CTCF: variants seen among roughly 807,000 people sequenced by gnomAD.
CTCF encodes transcriptional repressor CTCF.
In CTCF, 7 loss-of-function variants were observed where a neutral mutation model predicts 72.3. That is an observed-to-expected ratio of 0.10 (90% CI 0.06 to 0.18). The LOEUF (loss-of-function observed/expected upper bound fraction) is 0.18. CTCF is among the 10% of genes least tolerant of loss of function. The probability of loss-of-function intolerance (pLI) is 1.00; values close to 1 mark genes in which losing one functional copy is unlikely to be tolerated. For missense variants in CTCF, 516 were observed against 949.1 expected (o/e 0.54, Z 6.00); for synonymous variants, 374 against 315.8 (o/e 1.18, Z -1.95).
At chr16:67,585,237 A>C (rs2051654043) in intron 2 of CTCF, among the ~76,000 whole-genome samples, 1 of 152,094 alleles carries the variant, frequency 6.6e-6, no homozygotes, top group South Asian at 2.1e-4. Flanking sequence ...TTAGTAGTGA[A>C]CGGGGTTTCA....
intron 2 of CTCF, among the ~76,000 whole-genome samples, chr16:67,581,489 ATTTTATTTTAT>A (rs982475747): frequency 3.2e-4 from 48 of 151,664 alleles, no homozygotes; most frequent in African/African-American, 1.0e-3. Context: ...GGCCTGGCTT[ATTTTATTTTAT>A]TTTTATTTTA....
intron 10 of CTCF, among the ~76,000 whole-genome samples, chr16:67,631,580 C>A (rs2142875358): frequency 6.6e-6 from 1 of 151,814 alleles, no homozygotes; most frequent in Admixed American, 6.6e-5. Context: ...GGATTATAGG[C>A]ATGAGCCACT....
intron 4 of CTCF, chr16:67,614,706 G>A (rs1354211927): frequency 1.3e-5 from 2 of 152,384 alleles, no homozygotes; most frequent in East Asian, 1.9e-4. Context: ...AATTAGCCGG[G>A]TGTGGTGGCA....
chr16:67,579,715 G>A (rs772361240), intron 2 of CTCF, among the ~76,000 whole-genome samples: 2 of 152,046 alleles, frequency 1.3e-5, no homozygotes, highest in Admixed American at 6.6e-5. Context: ...TTTGCCATTA[G>A]AGAAAAATAC....
chr16:67,562,729 G>A lies in CTCF; in HGVS notation c.-127+5G>A, dbSNP rs1424286028. On this transcript the variant is annotated splice_donor_5th_base_variant and intron_variant, in intron 1 of 11. Transcript: ENST00000264010. ...CGCGGGGGGTGTGGCGCGGAGGTAAGGGGGCCCGGGGTGGAGGAGGTTTCG... is the reference window on the plus strand; with the variant it reads ...CGCGGGGGGTGTGGCGCGGAGGTAAAGGGGCCCGGGGTGGAGGAGGTTTCG... 1 of 150,582 alleles carries A rather than the reference G, an allele frequency of 6.6e-6. No homozygotes were observed. The highest frequency in any genetic ancestry group is 1.5e-5 in the Non-Finnish European group (1 of 67,388). 9.3% of individuals were successfully genotyped at this position (150,582 alleles called of 1,614,324 possible).
intron 2 of CTCF, among the ~76,000 whole-genome samples, chr16:67,576,361 A>C (rs964642806): frequency 1.3e-5 from 2 of 152,074 alleles, no homozygotes; most frequent in Non-Finnish European, 2.9e-5. Flanking sequence ...TCATCAGTCA[A>C]AACTAGTAGT....
At position 67,612,209 on chromosome 16, in the gene CTCF, T is replaced by G. The variant is rs919233801; in HGVS notation, c.952+88T>G. ...ATTCAAGCTGACTCCAGCGGGAATT[T>G]AAAGGAAGTTTTTATTATTTCTTAT... On this transcript the variant is annotated intron_variant, in intron 4 of 11. Coordinates refer to ENST00000264010, the MANE Select transcript of CTCF (RefSeq NM_006565.4). 13 of 1,257,478 alleles carry G rather than the reference T, an allele frequency of 1.0e-5. No individual in the cohort carries two copies. In the African/African-American group the frequency reaches 1.7e-4, roughly 16 times the overall value. 77.9% of individuals were successfully genotyped at this position (1,257,478 alleles called of 1,614,324 possible).
chr16:67,601,994 G>T (rs2051898483), intron 2 of CTCF, among the ~76,000 whole-genome samples: 2 of 151,488 alleles, frequency 1.3e-5, no homozygotes, highest in Non-Finnish European at 2.9e-5. Context: ...CTCCCAAATA[G>T]CTGGGACTAT....
intron 2 of CTCF, among the ~76,000 whole-genome samples, chr16:67,608,937 C>T (rs1043720528): frequency 3.3e-5 from 5 of 152,098 alleles, no homozygotes; most frequent in Admixed American, 1.3e-4. Flanking sequence ...GACGGGGTTT[C>T]TCCATGTTGT....
intron 2 of CTCF, among the ~76,000 whole-genome samples, chr16:67,609,749 A>G (rs1339809178): frequency 6.6e-6 from 1 of 150,506 alleles, no homozygotes; most frequent in Non-Finnish European, 1.5e-5. Context: ...TCAGCCTCCC[A>G]AGAGCTGGGA....
At chr16:67,609,851 C>T (rs1163807487) in intron 2 of CTCF, among the ~76,000 whole-genome samples, 3 of 152,124 alleles carry the variant, frequency 2.0e-5, no homozygotes, top group Non-Finnish European at 2.9e-5. Context: ...GTCTCGATCT[C>T]CTGACCTCCG....
At chr16:67,604,128 C>CAAAAAA in intron 2 of CTCF, among the ~76,000 whole-genome samples, 2 of 57,552 alleles carry the variant, frequency 3.5e-5, no homozygotes, top group African/African-American at 6.3e-5. Context: ...AACCCCGTCT[C>CAAAAAA]AAAAAAAAAA....
At chr16:67,587,100 A>ATTTTTTTTT (rs754060008) in intron 2 of CTCF, among the ~76,000 whole-genome samples, 7 of 98,726 alleles carry the variant, frequency 7.1e-5, no homozygotes, top group Middle Eastern at 6.6e-3. Flanking sequence ...CTTCTTAAAC[A>ATTTTTTTTT]TTTTTTTTTT....
At chr16:67,608,120 C>G (rs180914396) in intron 2 of CTCF, among the ~76,000 whole-genome samples, 1 of 150,876 alleles carries the variant, frequency 6.6e-6, no homozygotes, top group African/African-American at 2.4e-5. Context: ...GTCAGGAAAT[C>G]GAGACCATCC....
chr16:67,563,081 C>G, intron 1 of CTCF, among the ~76,000 whole-genome samples: 1 of 151,998 alleles, frequency 6.6e-6, no homozygotes, highest in East Asian at 1.9e-4. Context: ...GGCCGCGGCC[C>G]GCCCTCTGTC....
chr16:67,575,900 G>A (rs769054987), intron 2 of CTCF, among the ~76,000 whole-genome samples: 3 of 151,356 alleles, frequency 2.0e-5, no homozygotes, highest in Non-Finnish European at 2.9e-5. Context: ...AAGAAAACAA[G>A]GTCTCGTTGC....
At chr16:67,626,310 G>A (rs1327548607) in intron 7 of CTCF, among the ~76,000 whole-genome samples, 6 of 151,738 alleles carry the variant, frequency 4.0e-5, no homozygotes, top group Admixed American at 6.6e-5. Context: ...AAAATTAGCC[G>A]GGCATGGTGG....
chr16:67,617,636 C>T (rs986523986), intron 5 of CTCF, among the ~76,000 whole-genome samples: 2 of 152,112 alleles, frequency 1.3e-5, no homozygotes, highest in African/African-American at 2.4e-5. Context: ...GAGCCGAGAT[C>T]GTGCCATTGC....
At chr16:67,610,749 T>G in intron 2 of CTCF, 75 bp from the exon 3 acceptor site, 1 of 1,133,772 alleles carries the variant, frequency 8.8e-7, no homozygotes, top group Non-Finnish European at 1.2e-6. Flanking sequence ...CAAAGGGTCT[T>G]TTTGTTTTAA....
Sources: gnomAD v4.1 joint callset for allele counts (sites outside exome capture counted in the v4.1 genomes callset) on GRCh38, gnomAD v4.1.1 for gene constraint, MANE v1.5 for transcripts, NCBI Gene and HGNC (gene_info 2026-07-23, HGNC 2026-07-21) for gene names.